Variants in RHOU observed in about 807,000 individuals in gnomAD.
The protein encoded by RHOU is ras homolog family member U.
Under a neutral mutation model 12.6 loss-of-function variants are expected in RHOU, and 8 were observed. That is an observed-to-expected ratio of 0.64 (90% CI 0.37 to 1.15). RHOU has a LOEUF of 1.15. Among genes scored for constraint, RHOU ranks in the 50% most tolerant of loss-of-function variants. The probability of loss-of-function intolerance (pLI) is 0.01; values close to 1 mark genes in which losing one functional copy is unlikely to be tolerated. For synonymous variants in RHOU, 161 were observed against 147.4 expected, an observed-to-expected ratio of 1.09 and a Z score of -0.67; for missense variants, 258 against 347.0, an observed-to-expected ratio of 0.74 and a Z score of 2.04.
At chr1:228,687,146 C>T in the RHOU span, among the ~76,000 whole-genome samples, 1 of 152,156 alleles carries the variant, frequency 6.6e-6, no homozygotes, top group Non-Finnish European at 1.5e-5. Context: ...ATTGTTTACT[C>T]CTCTGAAAGC....
At chr1:228,678,071 G>A in the RHOU span, among the ~76,000 whole-genome samples, 1 of 152,168 alleles carries the variant, frequency 6.6e-6, no homozygotes, top group Admixed American at 6.5e-5. Flanking sequence ...CTGGGCAGGG[G>A]CAAATCCCCG....
chr1:228,659,083 A>T, the RHOU span, among the ~76,000 whole-genome samples: 5 of 152,146 alleles, frequency 3.3e-5, no homozygotes, highest in African/African-American at 1.2e-4. Flanking sequence ...GTTTTAAAAA[A>T]ACAAAAAACA....
the RHOU span, among the ~76,000 whole-genome samples, chr1:228,675,778 T>C: frequency 6.6e-6 from 1 of 152,190 alleles, no homozygotes. Flanking sequence ...TATTCAGAGA[T>C]CTTACAGGAG....
chr1:228,734,919 A>G (rs1012974316), upstream of RHOU, among the ~76,000 whole-genome samples: 1 of 152,074 alleles, frequency 6.6e-6, no homozygotes, highest in African/African-American at 2.4e-5. Context: ...AGCATTCACA[A>G]TGGAGCTGGC....
the RHOU span, among the ~76,000 whole-genome samples, chr1:228,648,327 A>G: frequency 6.6e-6 from 1 of 152,046 alleles, no homozygotes; most frequent in Admixed American, 6.5e-5. Context: ...CCCCTGCCCA[A>G]GCTCTGGGAT....
the RHOU span, among the ~76,000 whole-genome samples, chr1:228,670,755 C>T: frequency 2.6e-5 from 4 of 152,122 alleles, no homozygotes; most frequent in East Asian, 1.9e-4. Flanking sequence ...ATCATGGGGG[C>T]GGACTTCTCC....
chr1:228,673,564 T>C, the RHOU span, among the ~76,000 whole-genome samples: 1 of 152,178 alleles, frequency 6.6e-6, no homozygotes, highest in Admixed American at 6.5e-5. Flanking sequence ...GCTGTTCTTG[T>C]GATCATGAGA....
upstream of RHOU, among the ~76,000 whole-genome samples, chr1:228,731,548 GCTTA>G (rs567983407): frequency 1.9e-4 from 29 of 152,286 alleles, no homozygotes; most frequent in East Asian, 5.4e-3. Context: ...CGGGCCTGAA[GCTTA>G]TCACATTTTG....
chr1:228,663,610 C>A, the RHOU span, among the ~76,000 whole-genome samples: 1 of 84,846 alleles, frequency 1.2e-5, no homozygotes. Flanking sequence ...TTTTTCTTTT[C>A]TTTTCTTTTC....
chr1:228,736,081 G>T, intron 1 of RHOU, 77 bp downstream of exon 1: 1 of 1,454,434 alleles, frequency 6.9e-7, no homozygotes, highest in Non-Finnish European at 9.2e-7. Flanking sequence ...CGCGAGGGTC[G>T]CGAGGTTCCC....
At chr1:228,689,999 TA>T in the RHOU span, among the ~76,000 whole-genome samples, 3 of 151,696 alleles carry the variant, frequency 2.0e-5, no homozygotes, top group Admixed American at 1.3e-4. Context: ...AACCGGAATT[TA>T]AAAAAAATGT....
At chr1:228,700,829 G>A in the RHOU span, among the ~76,000 whole-genome samples, 24 of 152,152 alleles carry the variant, frequency 1.6e-4, no homozygotes, top group African/African-American at 5.3e-4. Context: ...GCTTATGCCT[G>A]TAATCCTAGC....
At chr1:228,683,116 T>TC in the RHOU span, among the ~76,000 whole-genome samples, 1,619 of 152,244 alleles carry the variant, frequency 0.011, 28 homozygotes, top group African/African-American at 0.037. Context: ...ACCCTTGGGA[T>TC]CTGGGCTGGA....
At chr1:228,708,902 T>C in the RHOU span, among the ~76,000 whole-genome samples, 9 of 152,250 alleles carry the variant, frequency 5.9e-5, no homozygotes, top group African/African-American at 2.2e-4. Flanking sequence ...GTGTGCTGTA[T>C]TCAGGAAACC....
chr1:228,678,998 G>A, the RHOU span, among the ~76,000 whole-genome samples: 446 of 151,390 alleles, frequency 2.9e-3, 4 homozygotes, highest in Middle Eastern at 0.024. Flanking sequence ...CCTGCACTTC[G>A]GCTGTGTGTA....
chr1:228,677,023 A>C, the RHOU span, among the ~76,000 whole-genome samples: 1 of 152,208 alleles, frequency 6.6e-6, no homozygotes, highest in Non-Finnish European at 1.5e-5. Flanking sequence ...AAGAAAAATA[A>C]AATGAAATAG....
chr1:228,700,104 A>C, the RHOU span, among the ~76,000 whole-genome samples: 4 of 152,180 alleles, frequency 2.6e-5, no homozygotes, highest in Non-Finnish European at 5.9e-5. Context: ...AGGACTCAGG[A>C]AGAACCAGGT....
At chr1:228,698,105 G>C in the RHOU span, among the ~76,000 whole-genome samples, 2 of 152,146 alleles carry the variant, frequency 1.3e-5, no homozygotes, top group South Asian at 4.1e-4. Flanking sequence ...CAGTTTTACA[G>C]ATCATGCATT....
the RHOU span, among the ~76,000 whole-genome samples, chr1:228,693,761 C>T: frequency 3.6e-4 from 54 of 152,072 alleles, no homozygotes; most frequent in Admixed American, 1.8e-3. Flanking sequence ...CCACCGCTCC[C>T]GGCACCTCAT....
Sources: gnomAD v4.1 joint callset for allele counts (sites outside exome capture counted in the v4.1 genomes callset) on GRCh38, gnomAD v4.1.1 for gene constraint, MANE v1.5 for transcripts, NCBI Gene and HGNC (gene_info 2026-07-23, HGNC 2026-07-21) for gene names.